The following PIAS4 variants were observed in gnomAD, a reference collection of about 807,000 sequenced individuals.
PIAS4 encodes protein inhibitor of activated STAT 4.
PIAS4 carries 7 observed loss-of-function variants against 58.0 expected under a neutral mutation model. The ratio of observed to expected loss-of-function variants is 0.12; its 90% CI spans 0.07 to 0.23. PIAS4 has a LOEUF of 0.23. PIAS4 is among the 10% of genes least tolerant of loss of function. The probability of loss-of-function intolerance (pLI) is 1.00; values close to 1 mark genes in which losing one functional copy is unlikely to be tolerated. For synonymous variants in PIAS4, 364 were observed against 312.4 expected, an observed-to-expected ratio of 1.17 and a Z score of -1.74; for missense variants, 550 against 709.5, an observed-to-expected ratio of 0.78 and a Z score of 2.55.
At chr19:4,018,707 G>A (rs1599219829) in intron 2 of PIAS4, 1 of 152,390 alleles carries the variant, frequency 6.6e-6, no homozygotes, top group East Asian at 1.9e-4. Context: ...AGTGATGTAG[G>A]GAAACTGAGT....
In PIAS4 at chr19:4,007,896, C is replaced by A. The variant is rs559983615; in HGVS notation, c.27+109C>A. On this transcript the variant is annotated intron_variant, in intron 1 of 10. Transcript: ENST00000262971. ...TCCGGGGCCCCACAGCGCGGCCGGC[C>A]CGCGGCTCGCCGTCCCGGCCCCCAG... The A allele has an allele frequency of 1.2e-5, 10 of 805,120 alleles. No homozygotes were observed. The African/African-American group carries it at 1.6e-4, about 13-fold the overall frequency. The allele number at this position is 805,120 out of a possible 1,614,324, so 49.9% of individuals were successfully genotyped here.
chr19:4,033,392 C>T (rs1196123263), intron 8 of PIAS4, 28 bp from the exon 9 acceptor site: 18 of 1,539,334 alleles, frequency 1.2e-5, no homozygotes, highest in Non-Finnish European at 1.6e-5. Flanking sequence ...AGGAGGGGTG[C>T]CCTGCTCACG....
In PIAS4 at chr19:4,013,378, C is replaced by T. The variant is rs561633099; in HGVS notation, c.454+29C>T. On this transcript the variant is annotated intron_variant, in intron 2 of 10. Transcript: ENST00000262971. The surrounding 1 kb of genome is among the most constrained non-coding windows in gnomAD (Gnocchi z 5.1). ...AGTGGTCACCCTGGGGAGGCTGCGA[C>T]TGGAGGCTTCACCTAGGCCCCGTCG... The T allele has an allele frequency of 6.3e-7, 1 of 1,583,996 alleles. No individual in the cohort carries two copies. The highest frequency in any genetic ancestry group is 8.6e-7 in the Non-Finnish European group (1 of 1,159,466).
At chr19:4,014,240 G>A (rs2040029469) in intron 2 of PIAS4, among the ~76,000 whole-genome samples, 2 of 152,298 alleles carry the variant, frequency 1.3e-5, no homozygotes, top group South Asian at 4.1e-4. Context: ...CACTGACTGA[G>A]CAGGAACTGT....
intron 2 of PIAS4, among the ~76,000 whole-genome samples, chr19:4,016,422 G>A (rs973437287): frequency 2.6e-5 from 4 of 152,216 alleles, no homozygotes; most frequent in African/African-American, 4.8e-5. Context: ...AAGAGCCGCC[G>A]GTCTGGCATG....
chr19:4,033,372 C>A, intron 8 of PIAS4, 48 bp from the exon 9 acceptor site: 1 of 1,511,536 alleles, frequency 6.6e-7, no homozygotes, highest in Non-Finnish European at 8.9e-7. Flanking sequence ...ACCGGGCAGG[C>A]GGGCACAACA....
At chr19:4,029,126 G>A (rs1001626031) in intron 7 of PIAS4, 90 bp downstream of exon 7, 76 of 900,398 alleles carry the variant, frequency 8.4e-5, no homozygotes, top group Middle Eastern at 3.0e-4. Context: ...CCCTGCACCC[G>A]GAGGAGATCG....
intron 2 of PIAS4, among the ~76,000 whole-genome samples, chr19:4,021,634 A>G (rs1272771230): frequency 1.3e-5 from 2 of 152,014 alleles, no homozygotes; most frequent in African/African-American, 2.4e-5. Context: ...GTAAAATAAG[A>G]AGTATGCTTT....
chr19:4,028,959 G>A lies in PIAS4; in HGVS notation c.830G>A (p.Arg277Gln), dbSNP rs531098682. 3.1e-6 allele frequency: 5 copies of A among 1,611,524 alleles called. No homozygotes were observed. The highest frequency in any genetic ancestry group is 2.7e-5 in the African/African-American group (2 of 74,880). ...KSYSVALYLVRQLTSSELLQR... is the reference protein window; with the variant it reads ...KSYSVALYLVQQLTSSELLQR... ...TACTCGGTGGCCCTGTACCTGGTGC[G>A]GCAGCTGACCTCATCGGAGCTGCTG... Residue 277 changes from arginine (R) to glutamine (Q), a missense_variant, in exon 7 of 11, where the codon CGG becomes CAG. Around this residue, in one of 4 missense-constraint regions of PIAS4, gnomAD observed 225 missense variants for 345.8 expected, o/e 0.65. Transcript: ENST00000262971.
rs1006500855 is a variant in PIAS4, at chr19:4,039,159, C to T, written c.*1284C>T. 1 of 152,274 alleles carries T rather than the reference C, an allele frequency of 6.6e-6. No homozygotes were observed. The highest frequency in any genetic ancestry group is 1.5e-5 in the Non-Finnish European group (1 of 68,076). 9.4% of individuals were successfully genotyped at this position (152,274 alleles called of 1,614,324 possible). A position where few individuals can be genotyped will look rare whatever the true frequency, so the allele number is the denominator to read the frequency against. The stretch of plus-strand genomic sequence containing the variant: ...TTGTCCTCCCCAGCCCAGAATTTTC[C>T]TTTGTATAAACAGAACTCCTAGTCA... On this transcript the variant is annotated 3_prime_UTR_variant, in exon 11 of 11. Coordinates refer to ENST00000262971, the MANE Select transcript of PIAS4 (RefSeq NM_015897.4).
Position 4,037,262 on chromosome 19 carries a change from C to A in PIAS4, c.1143-112C>A, listed in dbSNP as rs866341950. ...CTGCGGTCGGGGTGGTGAGGCTGCT[C>A]TTGCAGAGAGAAGTGGGGAGTGCCT... is the stretch of plus-strand genomic sequence containing the variant. On this transcript the variant is annotated intron_variant, in intron 9 of 10. Coordinates refer to ENST00000262971, the MANE Select transcript of PIAS4 (RefSeq NM_015897.4). This position sits in a 1 kb window ranked among gnomAD's most constrained non-coding sequence, Gnocchi z 5.8. 2 of 1,368,620 alleles carry A rather than the reference C, an allele frequency of 1.5e-6. No homozygotes were observed. Among genetic ancestry groups the A allele is most frequent in the Non-Finnish European group, 2.0e-6 (2 of 1,024,150 alleles). The allele number at this position is 1,368,620 out of a possible 1,614,324, so 84.8% of individuals were successfully genotyped here.
intron 1 of PIAS4, among the ~76,000 whole-genome samples, chr19:4,010,350 C>T (rs997025903): frequency 2.6e-5 from 4 of 152,208 alleles, no homozygotes; most frequent in South Asian, 2.1e-4. Flanking sequence ...TCCCGGGGTG[C>T]GAGGATGTCA....
intron 2 of PIAS4, among the ~76,000 whole-genome samples, chr19:4,022,720 G>A (rs566944368): frequency 2.0e-5 from 3 of 150,976 alleles, no homozygotes; most frequent in Non-Finnish European, 2.9e-5. Context: ...TCACTCTGTC[G>A]CCCAGGCAGT....
chr19:4,010,334 A>G (rs3760900), intron 1 of PIAS4, among the ~76,000 whole-genome samples: 30,282 of 152,194 alleles, frequency 0.2, 4,245 homozygotes, highest in African/African-American at 0.4. Flanking sequence ...TGGGTGGGGC[A>G]GGGGCTCCCG....
In PIAS4 at chr19:4,018,943, C is replaced by T. The variant is rs549550786; in HGVS notation, c.455-5093C>T. Among the ~76,000 whole-genome samples, 9 of 152,082 alleles carry T rather than the reference C, an allele frequency of 5.9e-5. No individual in the cohort carries two copies. In the South Asian group the frequency reaches 1.2e-3, roughly 21 times the overall value. The stretch of plus-strand genomic sequence containing the variant: ...CCAAGCAGGAGGCCAGGGTGGTGGC[C>T]GTGTGTGCGCCGGGGTGTGTGTGGC... On this transcript the variant is annotated intron_variant, in intron 2 of 10. Coordinates refer to ENST00000262971, the MANE Select transcript of PIAS4 (RefSeq NM_015897.4).
intron 9 of PIAS4, 56 bp downstream of exon 9, chr19:4,033,636 G>C: frequency 6.9e-7 from 1 of 1,443,938 alleles, no homozygotes; most frequent in Non-Finnish European, 9.4e-7. Flanking sequence ...GGAGGTCTCG[G>C]TGGCACCCCG....
chr19:4,033,290 C>G lies in PIAS4; in HGVS notation c.981+117C>G, dbSNP rs1329159227. On this transcript the variant is annotated intron_variant, in intron 8 of 10. Transcript: ENST00000262971. Reference sequence around the variant, plus strand: ...GTGAGCCTGCGGGGGCGAGGCTGGTCTTCGTCCCCTCCGTGTTCCTGAGGC... The same window carrying G: ...GTGAGCCTGCGGGGGCGAGGCTGGTGTTCGTCCCCTCCGTGTTCCTGAGGC... 5 of 1,341,290 alleles carry G rather than the reference C, an allele frequency of 3.7e-6. No homozygotes were observed. The East Asian group carries it at 7.4e-5, about 20-fold the overall frequency. The allele number at this position is 1,341,290 out of a possible 1,614,324, so 83.1% of individuals were successfully genotyped here.
Position 4,037,956 on chromosome 19 carries a change from C to A in PIAS4, c.*81C>A. The stretch of plus-strand genomic sequence containing the variant: ...GCCTCGGGCGCAGAGGGAGGAGTGA[C>A]CTTTCTTTTTCTTTTTATTGTCGTT... On this transcript the variant is annotated 3_prime_UTR_variant, in exon 11 of 11. Transcript: ENST00000262971. This position sits in a 1 kb window ranked among gnomAD's most constrained non-coding sequence, Gnocchi z 5.8. 1 of 1,408,510 alleles carries A rather than the reference C, an allele frequency of 7.1e-7. No homozygotes were observed. Among genetic ancestry groups the A allele is most frequent in the Non-Finnish European group, 9.5e-7 (1 of 1,055,490 alleles). 87.3% of individuals were successfully genotyped at this position (1,408,510 alleles called of 1,614,324 possible).
chr19:4,038,019 C>T lies in PIAS4; in HGVS notation c.*144C>T, dbSNP rs2040320263. On this transcript the variant is annotated 3_prime_UTR_variant, in exon 11 of 11. Coordinates refer to ENST00000262971, the MANE Select transcript of PIAS4 (RefSeq NM_015897.4). This position sits in a 1 kb window ranked among gnomAD's most constrained non-coding sequence, Gnocchi z 4.1. ...CCACCCTTTTGCCTGGCTCCTGGCA[C>T]CTGTACCTCTGGACTCTCCTATCGG... 1.3e-6 allele frequency: 1 copy of T among 768,912 alleles called. No homozygotes were observed. The highest frequency in any genetic ancestry group is 1.8e-5 in the South Asian group (1 of 56,868). The allele number at this position is 768,912 out of a possible 1,614,324, so 47.6% of individuals were successfully genotyped here. A position where few individuals can be genotyped will look rare whatever the true frequency, so the allele number is the denominator to read the frequency against.
Sources: allele counts gnomAD v4.1 joint callset (sites outside exome capture counted in the v4.1 genomes callset), GRCh38; gene constraint gnomAD v4.1.1; regional missense constraint gnomAD v4.1.1; non-coding constraint Gnocchi (gnomAD v3.1); transcripts MANE v1.5; gene names NCBI Gene and HGNC (gene_info 2026-07-23, HGNC 2026-07-21).